Variants in SPNS1 observed in about 807,000 individuals in gnomAD.
SPNS1 encodes the protein SPNS lysolipid transporter 1, lysophospholipid.
In SPNS1, 22 loss-of-function variants were observed where a neutral mutation model predicts 50.3. The ratio of observed to expected loss-of-function variants is 0.44; its 90% confidence interval spans 0.31 to 0.62. The LOEUF (loss-of-function observed/expected upper bound fraction) is 0.62, where lower values mean the gene tolerates loss of function less well. Among genes scored for constraint, SPNS1 ranks in the 20% least tolerant of loss-of-function variants. SPNS1 has a pLI of 0.07. For synonymous variants in SPNS1, 295 were observed against 317.4 expected (o/e 0.93, Z 0.75); for missense variants, 576 against 728.6 (o/e 0.79, Z 2.41).
chr16:28,977,748 C>T (rs1339889804), intron 2 of SPNS1, among the ~76,000 whole-genome samples, 160 bp from the exon 3 acceptor site: 2 of 152,126 alleles, frequency 1.3e-5, no homozygotes, highest in African/African-American at 2.4e-5. Flanking sequence ...GGACCATCCG[C>T]CTGACAGGAA....
At chr16:28,984,734 C>T (rs1416501023), downstream of SPNS1, 8 of 840,082 alleles carry the variant, frequency 9.5e-6, no homozygotes, top group East Asian at 1.9e-4. Context: ...GTGAGTCACG[C>T]CCCTGCTTCC....
intron 2 of SPNS1, among the ~76,000 whole-genome samples, chr16:28,977,402 G>T (rs1965382416): frequency 6.6e-6 from 1 of 152,042 alleles, no homozygotes; most frequent in Non-Finnish European, 1.5e-5. Context: ...TTCACCCTTG[G>T]CCCTGGGCAA....
chr16:28,982,348 AC>A lies in SPNS1; in HGVS notation c.966-4del. On this transcript the variant is annotated splice_region_variant and splice_polypyrimidine_tract_variant and intron_variant, in intron 7 of 11. Coordinates refer to ENST00000311008, the MANE Select transcript of SPNS1 (RefSeq NM_032038.3). The stretch of plus-strand genomic sequence containing the variant: ...GACAAACCCCCCATTCCCTTCCCTC[AC>A]CCCTAGTCTCATCTTTGGACTCATC... 1 of 1,557,616 alleles carries A rather than the reference AC, an allele frequency of 6.4e-7. No homozygotes were observed. Among genetic ancestry groups the A allele is most frequent in the Admixed American group, 1.9e-5 (1 of 53,776 alleles).
In SPNS1 at chr16:28,983,912, A is replaced by G; in HGVS notation, c.1447A>G (p.Ile483Val). ...LGGAAFLGTA[I>V]FIEADRRRAQ... ...CGGCGCAGCCTTCCTGGGCACCGCC[A>G]TCTTCATTGAGGCCGACCGCCGGCG... is the stretch of plus-strand genomic sequence containing the variant. Residue 483 changes from isoleucine to valine, a missense_variant, in exon 11 of 12, where the codon ATC becomes GTC. Transcript: ENST00000311008. This position sits in a 1 kb window ranked among gnomAD's most constrained non-coding sequence, Gnocchi z 5.4. 1.9e-6 allele frequency: 3 copies of G among 1,598,492 alleles called. No homozygotes were observed. The highest frequency in any genetic ancestry group is 2.5e-6 in the Non-Finnish European group (3 of 1,178,060).
At chr16:28,978,945 G>T in intron 3 of SPNS1, 2 of 614,936 alleles carry the variant, frequency 3.3e-6, no homozygotes, top group Non-Finnish European at 5.6e-6. Flanking sequence ...TCCTTTTGCA[G>T]ATGAGGAAAC....
Position 28,984,199 on chromosome 16 carries a change from C to G in SPNS1, c.1493-6C>G, listed in dbSNP as rs757376717. 7.5e-5 allele frequency: 117 copies of G among 1,564,070 alleles called. 1 individual carries two copies. Among genetic ancestry groups the G allele is most frequent in the South Asian group, 4.2e-4 (35 of 83,656 alleles). ...GCTCACCCTGGCTCTGACCCTCCCC[C>G]CTCAGGCCTGCTGCACGAAGCAGGG... On this transcript the variant is annotated splice_polypyrimidine_tract_variant and splice_region_variant and intron_variant, in intron 11 of 11. Transcript: ENST00000311008.
chr16:28,982,299 C>G (rs142532385), intron 7 of SPNS1, 57 bp from the exon 8 acceptor site: 1 of 1,517,886 alleles, frequency 6.6e-7, no homozygotes, highest in African/African-American at 1.4e-5. Context: ...GGATGGACAG[C>G]GTAGGGGCCT....
Position 28,981,325 on chromosome 16 carries a change from G to C in SPNS1, c.664-145G>C, listed in dbSNP as rs3922668. On this transcript the variant is annotated intron_variant, in intron 5 of 11. Coordinates refer to ENST00000311008, the MANE Select transcript of SPNS1 (RefSeq NM_032038.3). The surrounding 1 kb of genome is among the most constrained non-coding windows in gnomAD (Gnocchi z 4.2). ...CCCTAGTGGCAGCCCCCTTCCCCCA[G>C]ATTGCAGGTTCGGCTTCTTGGAGCA... 1 of 1,037,468 alleles carries C rather than the reference G, an allele frequency of 9.6e-7. No homozygotes were observed. Among genetic ancestry groups the C allele is most frequent in the Non-Finnish European group, 1.4e-6 (1 of 732,032 alleles). 64.3% of individuals were successfully genotyped at this position (1,037,468 alleles called of 1,614,324 possible). A position where few individuals can be genotyped will look rare whatever the true frequency, so the allele number is the denominator to read the frequency against.
chr16:28,977,327 A>T (rs1322163309), intron 2 of SPNS1, among the ~76,000 whole-genome samples: 1 of 151,842 alleles, frequency 6.6e-6, no homozygotes, highest in Non-Finnish European at 1.5e-5. Context: ...AAAAAAAAAA[A>T]AAAAAAGAGA....
chr16:28,982,880 C>T lies in SPNS1; in HGVS notation c.1179C>T (p.Thr393=). The change falls in exon 9 of 12, where the codon ACC becomes ACT. Residue 393 remains threonine, a synonymous_variant. Coordinates refer to ENST00000311008, the MANE Select transcript of SPNS1 (RefSeq NM_032038.3). ...ATYIFIFIGE[T]LLSMNWAIVA... is the part of the protein sequence containing the mutation. ...AGATTTTCATCTTCATTGGAGAGAC[C>T]CTCCTGTCCATGAACTGGGCCATCG... 1.8e-5 allele frequency: 29 copies of T among 1,613,822 alleles called. No individual in the cohort carries two copies. The highest frequency in any genetic ancestry group is 1.6e-4 in the Middle Eastern group (1 of 6,062).
chr16:28,982,794 C>T, intron 8 of SPNS1, 63 bp from the exon 9 acceptor site: 1 of 1,568,128 alleles, frequency 6.4e-7, no homozygotes, highest in Non-Finnish European at 8.8e-7. Flanking sequence ...GAGCTGGGAA[C>T]ATGGTCAACT....
At position 28,982,932 on chromosome 16, in the gene SPNS1, T is replaced by C; in HGVS notation, c.1221+10T>C. 6.2e-7 allele frequency: 1 copy of C among 1,613,804 alleles called. No individual in the cohort carries two copies. Among genetic ancestry groups the C allele is most frequent in the East Asian group, 2.2e-5 (1 of 44,856 alleles). On this transcript the variant is annotated intron_variant, in intron 9 of 11. Transcript: ENST00000311008. ...GGCCGACATTCTGCTGGTGAGTTGC[T>C]GGGCAGCTCCAGGGTCAGCGCAGAG...
rs769526008 is a variant in SPNS1, at chr16:28,979,233, A to G, written c.523A>G (p.Ile175Val). ...ASYSTIAPTL[I>V]ADLFVADQRS... ...TTATTCCACCATCGCGCCCACTCTC[A>G]TTGCCGACCTCTTTGTGGCCGACCA... Residue 175 changes from isoleucine to valine, a missense_variant, in exon 4 of 12, where the codon ATT becomes GTT. Transcript: ENST00000311008. The G allele has an allele frequency of 6.2e-6, 10 of 1,613,502 alleles. No homozygotes were observed. The highest frequency in any genetic ancestry group is 8.5e-6 in the Non-Finnish European group (10 of 1,179,674).
chr16:28,984,247 TGCCCCAGC>T lies in SPNS1; in HGVS notation c.1537_1544del (p.Pro513GlyfsTer39). On this transcript the variant is annotated frameshift_variant, in exon 12 of 12. Coordinates refer to ENST00000311008, the MANE Select transcript of SPNS1 (RefSeq NM_032038.3). LOFTEE classifies it high-confidence loss of function. ...GGGTCCACAGACGACCGGATTGTGGTGCCCCAGCGGGGCCGCTCCACCCGCGTGCCCGT... is the reference window on the plus strand; with the variant it reads ...GGGTCCACAGACGACCGGATTGTGGTGGGGCCGCTCCACCCGCGTGCCCGT... The T allele has an allele frequency of 6.2e-7, 1 of 1,609,540 alleles. No homozygotes were observed. The highest frequency in any genetic ancestry group is 8.5e-7 in the Non-Finnish European group (1 of 1,178,006).
chr16:28,978,275 C>T (rs1965411602), intron 3 of SPNS1, among the ~76,000 whole-genome samples: 1 of 152,088 alleles, frequency 6.6e-6, no homozygotes, highest in Non-Finnish European at 1.5e-5. Context: ...CTGACTCCTT[C>T]TACTCCATAC....
At position 28,982,371 on chromosome 16, in the gene SPNS1, C is replaced by A. The variant is rs200282766; in HGVS notation, c.981C>A (p.Leu327=). The A allele has an allele frequency of 3.8e-4, 599 of 1,596,922 alleles. No individual in the cohort carries two copies. Among genetic ancestry groups the A allele is most frequent in the East Asian group, 8.7e-4 (39 of 44,590 alleles). ...TCACCCCTAGTCTCATCTTTGGACT[C>A]ATCACCTGCCTGACCGGAGTCCTGG... is the stretch of plus-strand genomic sequence containing the variant. ...CSSSDSLIFG[L]ITCLTGVLGV... Residue 327 remains leucine, a synonymous_variant, in exon 8 of 12, where the codon CTC becomes CTA. Coordinates refer to ENST00000311008, the MANE Select transcript of SPNS1 (RefSeq NM_032038.3).
Position 28,981,647 on chromosome 16 carries a change from G to A in SPNS1, c.809+32G>A. 1 of 1,608,908 alleles carries A rather than the reference G, an allele frequency of 6.2e-7. No homozygotes were observed. Among genetic ancestry groups the A allele is most frequent in the African/African-American group, 1.3e-5 (1 of 74,936 alleles). ...TTATTCCCACCCTAGACCACCATCTGAGGCCCCCTGGCGTCTGGTTTGAGG... is the reference window on the plus strand; with the variant it reads ...TTATTCCCACCCTAGACCACCATCTAAGGCCCCCTGGCGTCTGGTTTGAGG... On this transcript the variant is annotated intron_variant, in intron 6 of 11. Coordinates refer to ENST00000311008, the MANE Select transcript of SPNS1 (RefSeq NM_032038.3). This position sits in a 1 kb window ranked among gnomAD's most constrained non-coding sequence, Gnocchi z 4.2.
chr16:28,975,583 A>G, intron 2 of SPNS1, 26 bp downstream of exon 2: 1 of 1,612,304 alleles, frequency 6.2e-7, no homozygotes, highest in South Asian at 1.1e-5. Context: ...TCCTGGTCAC[A>G]CAGCCGCTCC....
In SPNS1 at chr16:28,978,039, G is replaced by A. The variant is rs745996135; in HGVS notation, c.439G>A (p.Gly147Arg). The A allele has an allele frequency of 2.7e-5, 44 of 1,612,980 alleles. No homozygotes were observed. In the South Asian group the frequency reaches 3.4e-4, roughly 12 times the overall value. ...GACACTGGGGTCATCCTTCATCCCCGGAGAGGTGAGGCCCCAAGCTGGCTC... is the reference window on the plus strand; with the variant it reads ...GACACTGGGGTCATCCTTCATCCCCAGAGAGGTGAGGCCCCAAGCTGGCTC... Reference protein sequence around the residue: ...LVTLGSSFIPGEHFWLLLLTR... With the variant: ...LVTLGSSFIPREHFWLLLLTR... The change falls in exon 3 of 12, where the codon GGA becomes AGA. Residue 147 changes from glycine to arginine, a missense_variant. Gly to Arg is a moderately radical substitution (Grantham distance 125, BLOSUM62 -2). Coordinates refer to ENST00000311008, the MANE Select transcript of SPNS1 (RefSeq NM_032038.3).
Sources: gnomAD v4.1 joint callset for allele counts (sites outside exome capture counted in the v4.1 genomes callset) on GRCh38, gnomAD v4.1.1 for gene constraint, Gnocchi (gnomAD v3.1) non-coding constraint, MANE v1.5 for transcripts, NCBI Gene and HGNC (gene_info 2026-07-23, HGNC 2026-07-21) for gene names.